Variants in SOX6 observed in about 807,000 individuals in gnomAD.
SOX6 encodes SRY-box transcription factor 6, also known as transcription factor SOX-6.
Under a neutral mutation model 97.8 loss-of-function variants are expected in SOX6, and 11 were observed. The observed-to-expected ratio is 0.11, with a 90% CI of 0.07 to 0.19. The LOEUF (loss-of-function observed/expected upper bound fraction) is 0.19, where lower values mean the gene tolerates loss of function less well. SOX6 is among the 10% of genes least tolerant of loss of function. The pLI, the probability that SOX6 is intolerant of heterozygous loss-of-function variation, is 1.00. For missense variants in SOX6, 810 were observed against 1,039.5 expected (o/e 0.78, Z 3.04); for synonymous variants, 360 against 371.4 (o/e 0.97, Z 0.35).
chr11:16,138,009 G>A (rs544127892), intron 6 of SOX6, among the ~76,000 whole-genome samples: 1 of 152,238 alleles, frequency 6.6e-6, no homozygotes, highest in Admixed American at 6.5e-5. Flanking sequence ...CCAGTCTCAG[G>A]TATGTCTTCA....
chr11:16,345,741 T>C (rs1856759672), intron 1 of SOX6, among the ~76,000 whole-genome samples: 1 of 152,084 alleles, frequency 6.6e-6, no homozygotes, highest in Non-Finnish European at 1.5e-5. Context: ...TTTGACATTA[T>C]TCTTTAAAAA....
intron 3 of SOX6, among the ~76,000 whole-genome samples, chr11:16,624,603 G>C (rs899666283): frequency 6.6e-6 from 1 of 152,092 alleles, no homozygotes; most frequent in African/African-American, 2.4e-5. Context: ...AAACATTCTT[G>C]TACAAATGTT....
intron 3 of SOX6, among the ~76,000 whole-genome samples, chr11:16,235,175 A>G (rs1219863832): frequency 6.6e-6 from 1 of 152,080 alleles, no homozygotes; most frequent in East Asian, 1.9e-4. Context: ...CAATTAAAGC[A>G]AAACAAGAAG....
intron 13 of SOX6, among the ~76,000 whole-genome samples, chr11:15,989,608 G>A (rs1274554718): frequency 6.6e-6 from 1 of 152,048 alleles, no homozygotes; most frequent in African/African-American, 2.4e-5. Flanking sequence ...CACTCTATAT[G>A]TTTCCCAAAA....
intron 12 of SOX6, among the ~76,000 whole-genome samples, chr11:16,034,299 T>C (rs1014307116): frequency 1.2e-4 from 18 of 152,202 alleles, no homozygotes; most frequent in African/African-American, 4.3e-4. Flanking sequence ...ACACCCTTTG[T>C]GTTATTTCAG....
intron 1 of SOX6, among the ~76,000 whole-genome samples, chr11:16,474,977 G>C (rs931588573): frequency 1.3e-5 from 2 of 152,168 alleles, no homozygotes; most frequent in African/African-American, 2.4e-5. Flanking sequence ...ATCAGCACTG[G>C]CTGTGTCACC....
intron 1 of SOX6, among the ~76,000 whole-genome samples, chr11:16,385,760 T>C (rs1349593327): frequency 1.3e-5 from 2 of 152,188 alleles, no homozygotes; most frequent in Non-Finnish European, 2.9e-5. Flanking sequence ...TTTGCTCTTT[T>C]GAATTAATTA....
intron 7 of SOX6, among the ~76,000 whole-genome samples, chr11:16,105,802 G>C (rs1192529190): frequency 6.6e-6 from 1 of 152,038 alleles, no homozygotes; most frequent in Non-Finnish European, 1.5e-5. Context: ...CCTATATATA[G>C]AAAATCCCAA....
At chr11:16,298,701 TTA>T (rs1855168039) in intron 3 of SOX6, among the ~76,000 whole-genome samples, 1 of 152,132 alleles carries the variant, frequency 6.6e-6, no homozygotes, top group Non-Finnish European at 1.5e-5. Flanking sequence ...ATATAAAGAA[TTA>T]GTTTTACTTA....
At chr11:16,187,839 C>A (rs560139465) in intron 4 of SOX6, among the ~76,000 whole-genome samples, 1 of 152,012 alleles carries the variant, frequency 6.6e-6, no homozygotes, top group Non-Finnish European at 1.5e-5. Flanking sequence ...AGCATTTTAC[C>A]GCAGCATAAG....
intron 6 of SOX6, among the ~76,000 whole-genome samples, chr11:16,163,321 G>A (rs1426303954): frequency 2.0e-5 from 3 of 152,122 alleles, no homozygotes; most frequent in Non-Finnish European, 2.9e-5. Context: ...AGTGATCTAA[G>A]TTCTCAAGGT....
intron 6 of SOX6, among the ~76,000 whole-genome samples, chr11:16,117,327 T>C (rs1352488978): frequency 6.6e-6 from 1 of 151,966 alleles, no homozygotes; most frequent in Non-Finnish European, 1.5e-5. Context: ...CACTCCAGCC[T>C]GGCGACAGAG....
intron 12 of SOX6, 56 bp from the exon 13 acceptor site, chr11:16,015,106 C>T: frequency 6.9e-7 from 1 of 1,459,826 alleles, no homozygotes; most frequent in East Asian, 2.3e-5. Context: ...CCACCATTTC[C>T]TTCCAGTTTC....
chr11:16,567,561 CTTTT>C (rs59320140), intron 4 of SOX6, among the ~76,000 whole-genome samples: 1 of 87,322 alleles, frequency 1.1e-5, no homozygotes, highest in Non-Finnish European at 2.3e-5. Flanking sequence ...ATATTTTTTT[CTTTT>C]TTTTTTTTTT....
intron 9 of SOX6, among the ~76,000 whole-genome samples, chr11:16,071,806 G>A (rs1453214572): frequency 6.6e-6 from 1 of 151,932 alleles, no homozygotes; most frequent in Non-Finnish European, 1.5e-5. Context: ...TAGACATGGA[G>A]ACAGTAATTG....
intron 2 of SOX6, among the ~76,000 whole-genome samples, chr11:16,322,368 A>G (rs1435367655): frequency 6.6e-6 from 1 of 152,114 alleles, no homozygotes; most frequent in East Asian, 1.9e-4. Context: ...CCAGCCACAT[A>G]AGATGCGCCT....
intron 3 of SOX6, among the ~76,000 whole-genome samples, chr11:16,242,058 G>A (rs565149258): frequency 3.9e-4 from 59 of 151,940 alleles, no homozygotes; most frequent in Admixed American, 7.9e-4. Context: ...ATACATACAC[G>A]AATGTGCTAT....
chr11:16,638,324 G>A (rs958605148), intron 3 of SOX6, among the ~76,000 whole-genome samples: 16 of 152,050 alleles, frequency 1.1e-4, no homozygotes, highest in Non-Finnish European at 2.1e-4. Flanking sequence ...ATTTGGGTTG[G>A]TTCCAATTCT....
intron 4 of SOX6, among the ~76,000 whole-genome samples, chr11:16,530,530 A>T (rs993384653): frequency 1.3e-5 from 2 of 152,082 alleles, no homozygotes; most frequent in Non-Finnish European, 2.9e-5. Context: ...GAGCCAGAAT[A>T]AGGGAGAATA....
Sources: allele counts gnomAD v4.1 joint callset (sites outside exome capture counted in the v4.1 genomes callset), GRCh38; gene constraint gnomAD v4.1.1; transcripts MANE v1.5; gene names NCBI Gene and HGNC (gene_info 2026-07-23, HGNC 2026-07-21).